The following GAB3 variants were observed in gnomAD, a reference collection of about 807,000 sequenced individuals.
GAB3 encodes the protein GRB2 associated binding protein 3.
A neutral mutation model predicts 40.4 loss-of-function variants in GAB3; 12 were observed. The observed-to-expected ratio is 0.30, with a 90% CI of 0.19 to 0.48. GAB3 has a LOEUF of 0.48. Ranked by LOEUF, GAB3 falls within the 20% of genes least tolerant of loss-of-function variation. The pLI is 0.99. For missense variants in GAB3, 381 were observed against 461.9 expected (o/e 0.82, Z 1.61); for synonymous variants, 154 against 176.7 (o/e 0.87, Z 1.02).
chrX:154,719,460 G>A (rs1403156103), intron 1 of GAB3, among the ~76,000 whole-genome samples: 7 of 112,235 alleles, frequency 6.2e-5, no homozygotes, highest in African/African-American at 2.3e-4. Flanking sequence ...ACTAAGCTAA[G>A]GCTAAAGTGG....
intron 1 of GAB3, among the ~76,000 whole-genome samples, chrX:154,723,513 A>G (rs1409486475): frequency 9.0e-6 from 1 of 111,660 alleles, no homozygotes; most frequent in Non-Finnish European, 1.9e-5. Flanking sequence ...AACACTTCAG[A>G]ATAGAGGGTG....
intron 1 of GAB3, among the ~76,000 whole-genome samples, chrX:154,726,956 T>C (rs2071221145): frequency 8.9e-6 from 1 of 111,911 alleles, no homozygotes; most frequent in Non-Finnish European, 1.9e-5. Context: ...GTAATTGAAA[T>C]AGCCTCTTGT....
rs1000911369 is a variant in GAB3 at position 154,730,996 on chromosome X, A to C, written c.73-14667T>G. On this transcript the variant is annotated intron_variant, in intron 1 of 9. Transcript: ENST00000424127. ...CCTTGGAAGGGAGAATCCTGAGGAG[A>C]AATGTTCAGCAAAGATAAGTACACC... 5.3e-5 allele frequency among the ~76,000 whole-genome samples: 6 copies of C among 112,249 alleles called. No individual in the cohort carries two copies. The Admixed American group carries it at 5.7e-4, about 11-fold the overall frequency.
At chrX:154,691,330 A>C (rs1336335536) in intron 8 of GAB3, among the ~76,000 whole-genome samples, 1 of 106,899 alleles carries the variant, frequency 9.4e-6, no homozygotes, top group African/African-American at 3.4e-5. Context: ...ATGATGAGTT[A>C]GTGGGTGCAG....
chrX:154,723,256 A>G lies in GAB3; in HGVS notation c.73-6927T>C, dbSNP rs193179796. Among the ~76,000 whole-genome samples the G allele has an allele frequency of 2.5e-3, 277 of 112,347 alleles. 1 individual carries two copies. The highest frequency in any genetic ancestry group is 8.5e-3 in the African/African-American group (263 of 30,894). On this transcript the variant is annotated intron_variant, in intron 1 of 9. Transcript: ENST00000424127. The stretch of plus-strand genomic sequence containing the variant: ...GGCACATTTGTGGATTCATTCAATC[A>G]ATATTTACCGAGTGTCCACTATGTG...
At chrX:154,747,826 G>T (rs782563662) in intron 1 of GAB3, among the ~76,000 whole-genome samples, 1 of 112,018 alleles carries the variant, frequency 8.9e-6, no homozygotes, top group African/African-American at 3.2e-5. Flanking sequence ...TTGTATTGGG[G>T]ATTTCATTAA....
chrX:154,679,991 G>A (rs1423817814), intron 9 of GAB3, 141 bp downstream of exon 9: 2 of 463,791 alleles, frequency 4.3e-6, no homozygotes, highest in Non-Finnish European at 7.5e-6. Context: ...GAGGCAGGAT[G>A]AGGGCCGATT....
At chrX:154,713,100 G>T in intron 3 of GAB3, 107 bp downstream of exon 3, 1 of 632,798 alleles carries the variant, frequency 1.6e-6, no homozygotes, top group Non-Finnish European at 2.6e-6. Context: ...CTAATTTGGT[G>T]AAGCACACTG....
At chrX:154,705,292 G>T (rs1321626362) in intron 4 of GAB3, among the ~76,000 whole-genome samples, 11 of 111,661 alleles carry the variant, frequency 9.9e-5, no homozygotes, top group African/African-American at 3.6e-4. Flanking sequence ...CCAGTGACAT[G>T]CATTTCCCTA....
At chrX:154,696,298 C>CAAAA (rs35105330) in intron 7 of GAB3, among the ~76,000 whole-genome samples, 10 of 40,127 alleles carry the variant, frequency 2.5e-4, no homozygotes, top group Admixed American at 3.5e-4. Context: ...TATCATTTAG[C>CAAAA]AAAAAAAAAA....
chrX:154,680,071 C>G (rs1340575826), intron 9 of GAB3, 61 bp downstream of exon 9: 1 of 760,901 alleles, frequency 1.3e-6, no homozygotes, highest in African/African-American at 2.1e-5. Context: ...GTTTGATAAT[C>G]AGAAAAGTCT....
intron 4 of GAB3, 45 bp downstream of exon 4, chrX:154,712,184 A>C: frequency 2.6e-4 from 235 of 905,735 alleles, no homozygotes; most frequent in Non-Finnish European, 3.4e-4. Flanking sequence ...AGTGAAGAGG[A>C]GCCCGGGTTT....
At chrX:154,729,196 T>G (rs2071258347) in intron 1 of GAB3, among the ~76,000 whole-genome samples, 1 of 111,935 alleles carries the variant, frequency 8.9e-6, no homozygotes, top group Non-Finnish European at 1.9e-5. Context: ...CAAAGGAAAT[T>G]TTAAAAGTGC....
chrX:154,693,704 C>T (rs1340337786), intron 8 of GAB3, among the ~76,000 whole-genome samples: 2 of 111,251 alleles, frequency 1.8e-5, no homozygotes, highest in Non-Finnish European at 3.8e-5. Context: ...TAGAACTGCA[C>T]ACCAAGAGAA....
At chrX:154,735,334 A>G (rs1250617474) in intron 1 of GAB3, among the ~76,000 whole-genome samples, 1 of 112,575 alleles carries the variant, frequency 8.9e-6, no homozygotes, top group South Asian at 3.6e-4. Flanking sequence ...TGCTGTGATT[A>G]TTTGAGTGCC....
At chrX:154,713,786 T>TATATGC (rs1557256996) in intron 2 of GAB3, among the ~76,000 whole-genome samples, 1 of 73,770 alleles carries the variant, frequency 1.4e-5, no homozygotes, top group African/African-American at 5.1e-5. Flanking sequence ...TATATATATA[T>TATATGC]GCATAACAAG....
At chrX:154,735,143 C>T (rs1212055597) in intron 1 of GAB3, among the ~76,000 whole-genome samples, 14 of 112,002 alleles carry the variant, frequency 1.2e-4, no homozygotes, top group Non-Finnish European at 1.7e-4. Flanking sequence ...ATAAGCCTGG[C>T]AAAAATGTTC....
intron 1 of GAB3, among the ~76,000 whole-genome samples, chrX:154,728,624 G>T (rs971810375): frequency 8.9e-6 from 1 of 112,255 alleles, no homozygotes; most frequent in East Asian, 2.8e-4. Flanking sequence ...ACTAGCTTGG[G>T]GAGCAGTTGG....
At chrX:154,738,717 C>A (rs186683199) in intron 1 of GAB3, among the ~76,000 whole-genome samples, 1 of 112,052 alleles carries the variant, frequency 8.9e-6, no homozygotes, top group East Asian at 2.8e-4. Context: ...CTAAAATATT[C>A]TCATATTTTC....
Sources: gnomAD v4.1 joint callset for allele counts (sites outside exome capture counted in the v4.1 genomes callset) on GRCh38, gnomAD v4.1.1 for gene constraint, MANE v1.5 for transcripts, NCBI Gene and HGNC (gene_info 2026-07-23, HGNC 2026-07-21) for gene names.